The following DPYD variants were observed in gnomAD, a reference collection of about 807,000 sequenced individuals.
DPYD encodes the protein dihydropyrimidine dehydrogenase.
DPYD carries 109 observed loss-of-function variants against 116.2 expected under a neutral mutation model. The observed-to-expected ratio is 0.94, with a 90% CI of 0.80 to 1.10. The LOEUF is 1.10. DPYD is among the 50% of genes least tolerant of loss of function. The probability of loss-of-function intolerance (pLI) is 0.00; values close to 1 mark genes in which losing one functional copy is unlikely to be tolerated. For missense variants in DPYD, 1,302 were observed against 1,254.5 expected (o/e 1.04, Z -0.57); for synonymous variants, 440 against 432.0 (o/e 1.02, Z -0.23).
At chr1:97,620,194 T>C (rs1013707806) in intron 8 of DPYD, among the ~76,000 whole-genome samples, 1 of 152,124 alleles carries the variant, frequency 6.6e-6, no homozygotes, top group Non-Finnish European at 1.5e-5. Flanking sequence ...TTTGAAGGCA[T>C]TTACATTTTC....
In DPYD at chr1:97,754,189, G is replaced by A. The variant is rs144506451; in HGVS notation, c.234-13710C>T. Among the ~76,000 whole-genome samples, 382 of 151,884 alleles carry A rather than the reference G, an allele frequency of 2.5e-3. 1 individual carries two copies. Among genetic ancestry groups the A allele is most frequent in the Non-Finnish European group, 4.7e-3 (318 of 67,860 alleles). ...ATATCATAAGGTAGACCACGTTTTCGGGCAATGGCACTGCTTAGAAAGTGA... is the reference window on the plus strand; with the variant it reads ...ATATCATAAGGTAGACCACGTTTTCAGGCAATGGCACTGCTTAGAAAGTGA... On this transcript the variant is annotated intron_variant, in intron 3 of 22. Transcript: ENST00000370192.
chr1:97,768,764 A>G (rs946748414), intron 3 of DPYD, among the ~76,000 whole-genome samples: 4 of 152,278 alleles, frequency 2.6e-5, no homozygotes, highest in African/African-American at 9.6e-5. Context: ...TCTTTTCCAA[A>G]TAAGAAAAAA....
chr1:97,695,194 A>G (rs1157744928), intron 6 of DPYD, among the ~76,000 whole-genome samples: 2 of 152,256 alleles, frequency 1.3e-5, no homozygotes, highest in East Asian at 1.9e-4. Context: ...TTGTATGATC[A>G]CATGGAATTT....
intron 21 of DPYD, chr1:97,096,032 A>G (rs1053648777): frequency 7.9e-5 from 12 of 152,210 alleles, no homozygotes; most frequent in Non-Finnish European, 4.4e-5. Context: ...AACATGTAAC[A>G]CCAAGGACAT....
intron 16 of DPYD, among the ~76,000 whole-genome samples, chr1:97,332,270 T>C (rs1423365708): frequency 6.6e-6 from 1 of 152,180 alleles, no homozygotes; most frequent in Admixed American, 6.5e-5. Flanking sequence ...TTAACTACTT[T>C]AAATGGGCCA....
chr1:97,561,182 G>A (rs528232273), intron 11 of DPYD, among the ~76,000 whole-genome samples: 3 of 152,288 alleles, frequency 2.0e-5, no homozygotes, highest in Non-Finnish European at 4.4e-5. Context: ...AGGATTATAT[G>A]GAAGTGAGAG....
In DPYD at chr1:97,551,975, A is replaced by G. The variant is rs1489332410; in HGVS notation, c.1340-2231T>C. Reference sequence around the variant, plus strand: ...GATGATTTAAAGTATATGGAAGGATATGTGTAGATTATATGCAAATAATAC... The same window carrying G: ...GATGATTTAAAGTATATGGAAGGATGTGTGTAGATTATATGCAAATAATAC... On this transcript the variant is annotated intron_variant, in intron 11 of 22. Coordinates refer to ENST00000370192, the MANE Select transcript of DPYD (RefSeq NM_000110.4). Among the ~76,000 whole-genome samples the G allele has an allele frequency of 2.6e-5, 4 of 152,114 alleles. No individual in the cohort carries two copies. The South Asian group carries it at 8.3e-4, about 31-fold the overall frequency.
At chr1:97,277,321 C>G (rs1474129429) in intron 18 of DPYD, among the ~76,000 whole-genome samples, 2 of 151,658 alleles carry the variant, frequency 1.3e-5, no homozygotes, top group Non-Finnish European at 1.5e-5. Context: ...CACAAATTAC[C>G]CATGTAACAG....
chr1:97,423,862 A>G (rs939826638), intron 14 of DPYD, among the ~76,000 whole-genome samples: 2 of 152,126 alleles, frequency 1.3e-5, no homozygotes, highest in Non-Finnish European at 2.9e-5. Context: ...TGATTACAAA[A>G]TAAGAAATTA....
intron 8 of DPYD, among the ~76,000 whole-genome samples, chr1:97,632,032 T>A (rs1414926579): frequency 2.0e-5 from 3 of 152,082 alleles, no homozygotes; most frequent in Admixed American, 6.6e-5. Flanking sequence ...CAGAAGCCCA[T>A]GTAACTTCTT....
chr1:97,539,655 ACT>A (rs1265204451), intron 12 of DPYD, among the ~76,000 whole-genome samples: 1 of 152,138 alleles, frequency 6.6e-6, no homozygotes, highest in African/African-American at 2.4e-5. Flanking sequence ...GGCAAAAATA[ACT>A]CTAATGATGT....
chr1:97,527,298 T>C (rs761769840), intron 12 of DPYD, among the ~76,000 whole-genome samples: 151 of 152,138 alleles, frequency 9.9e-4, no homozygotes, highest in Admixed American at 2.0e-3. Context: ...AGGATGGTCT[T>C]GATTTCCTGA....
intron 20 of DPYD, among the ~76,000 whole-genome samples, chr1:97,137,346 T>C (rs1220671800): frequency 1.3e-5 from 2 of 152,230 alleles, no homozygotes; most frequent in Non-Finnish European, 2.9e-5. Flanking sequence ...ATGTGGTTGT[T>C]AAATTTTAAA....
intron 3 of DPYD, among the ~76,000 whole-genome samples, chr1:97,760,661 T>C (rs924480207): frequency 6.6e-6 from 1 of 152,086 alleles, no homozygotes; most frequent in African/African-American, 2.4e-5. Flanking sequence ...TGGACGACTA[T>C]AATGTCAAAG....
At chr1:97,186,157 G>GA (rs1224381810) in intron 20 of DPYD, among the ~76,000 whole-genome samples, 12 of 151,858 alleles carry the variant, frequency 7.9e-5, no homozygotes, top group African/African-American at 2.4e-4. Flanking sequence ...TTCCAGAAAG[G>GA]AAAAAAATAG....
chr1:97,388,244 T>C (rs1311746018), intron 14 of DPYD, among the ~76,000 whole-genome samples: 1 of 151,978 alleles, frequency 6.6e-6, no homozygotes, highest in Non-Finnish European at 1.5e-5. Context: ...ATTGAAGAGG[T>C]CCAATTTTAA....
At chr1:97,820,934 TTAA>T (rs945925488) in intron 3 of DPYD, among the ~76,000 whole-genome samples, 2 of 152,188 alleles carry the variant, frequency 1.3e-5, no homozygotes, top group African/African-American at 4.8e-5. Flanking sequence ...ATTTTTTTTA[TTAA>T]TGAGTATATT....
At chr1:97,115,948 T>C (rs1191746212) in intron 20 of DPYD, among the ~76,000 whole-genome samples, 1 of 152,156 alleles carries the variant, frequency 6.6e-6, no homozygotes, top group Non-Finnish European at 1.5e-5. Context: ...ATTTTTTTTA[T>C]TCCTGAGAAT....
At chr1:97,260,662 C>T (rs1663815939) in intron 18 of DPYD, among the ~76,000 whole-genome samples, 1 of 151,838 alleles carries the variant, frequency 6.6e-6, no homozygotes, top group African/African-American at 2.4e-5. Flanking sequence ...TAGAAACAAA[C>T]AAAAAACACT....
Sources: gnomAD v4.1 joint callset for allele counts (sites outside exome capture counted in the v4.1 genomes callset) on GRCh38, gnomAD v4.1.1 for gene constraint, MANE v1.5 for transcripts, NCBI Gene and HGNC (gene_info 2026-07-23, HGNC 2026-07-21) for gene names.